Variants in SPACA3 observed in about 807,000 individuals in gnomAD.
SPACA3 encodes sperm acrosome membrane-associated protein 3.
SPACA3 carries 21 observed loss-of-function variants against 24.5 expected under a neutral mutation model. The observed-to-expected ratio is 0.86, with a 90% confidence interval of 0.61 to 1.24. The LOEUF is 1.24. SPACA3 is among the 50% of genes most tolerant of loss of function. The probability of loss-of-function intolerance (pLI) is 0.00; values close to 1 mark genes in which losing one functional copy is unlikely to be tolerated. For missense variants in SPACA3, 278 were observed against 275.5 expected (o/e 1.01, Z -0.06); for synonymous variants, 115 against 106.9 (o/e 1.08, Z -0.47).
chr17:32,995,423 CCT>C lies in SPACA3; in HGVS notation c.50_51del (p.Pro17ArgfsTer69). On this transcript the variant is annotated frameshift_variant, in exon 2 of 5. Coordinates refer to ENST00000269053, the MANE Select transcript of SPACA3 (RefSeq NM_173847.5). LOFTEE classifies it high-confidence loss of function. ...GAPLIRVHSSPVSSPSVSGPR... is the reference protein window; with the variant it reads ...GAPLIRVHSSXVSSPSVSGPR... The stretch of plus-strand genomic sequence containing the variant: ...CCCTTTCCCAGGGGTGCACTCAAGC[CCT>C]GTTTCTTCTCCTTCTGTGAGTGGAC... 1 of 1,602,446 alleles carries C rather than the reference CCT, an allele frequency of 6.2e-7. No homozygotes were observed. Among genetic ancestry groups the C allele is most frequent in the East Asian group, 2.2e-5 (1 of 44,738 alleles).
chr17:32,995,339 C>T, intron 1 of SPACA3, 70 bp from the exon 2 acceptor site: 1 of 1,438,746 alleles, frequency 7.0e-7, no homozygotes. Context: ...ATCAGGAATG[C>T]AAGGGGGCTG....
chr17:32,991,919 C>T lies in SPACA3; in HGVS notation c.-20C>T. 6.2e-7 allele frequency: 1 copy of T among 1,613,992 alleles called. No individual in the cohort carries two copies. The highest frequency in any genetic ancestry group is 1.7e-4 in the Middle Eastern group (1 of 6,054). ...GCTGAAGCAGGGTTTTGAGCCACTG[C>T]TGCTGCTGCCATTGTCACCATGGTC... On this transcript the variant is annotated 5_prime_UTR_variant, in exon 1 of 5. Coordinates refer to ENST00000269053, the MANE Select transcript of SPACA3 (RefSeq NM_173847.5).
intron 1 of SPACA3, among the ~76,000 whole-genome samples, chr17:32,993,184 C>G (rs564668753): frequency 3.3e-5 from 5 of 152,098 alleles, no homozygotes; most frequent in African/African-American, 1.2e-4. Flanking sequence ...AGGAAAGTCA[C>G]AAGGCAGAAG....
chr17:32,992,062 G>A (rs2091692986), intron 1 of SPACA3, 90 bp downstream of exon 1: 2 of 1,447,284 alleles, frequency 1.4e-6, no homozygotes, highest in African/African-American at 2.8e-5. Flanking sequence ...CAAGGTGGTG[G>A]TTAGGGTGGG....
rs1228488994 is a variant in SPACA3, at chr17:32,995,436, C to T, written c.62C>T (p.Pro21Leu). 5 of 1,609,060 alleles carry T rather than the reference C, an allele frequency of 3.1e-6. No homozygotes were observed. The East Asian group carries it at 1.1e-4, about 36-fold the overall frequency. Reference sequence around the variant, plus strand: ...GTGCACTCAAGCCCTGTTTCTTCTCCTTCTGTGAGTGGACCACGGAGGCTG... The same window carrying T: ...GTGCACTCAAGCCCTGTTTCTTCTCTTTCTGTGAGTGGACCACGGAGGCTG... ...IRVHSSPVSSPSVSGPRRLVS... is the reference protein window; with the variant it reads ...IRVHSSPVSSLSVSGPRRLVS... The change falls in exon 2 of 5, where the codon CCT becomes CTT. Residue 21 changes from proline (P) to leucine (L), a missense_variant. Physicochemically the swap from Pro to Leu is moderately conservative, Grantham distance 98. Coordinates refer to ENST00000269053, the MANE Select transcript of SPACA3 (RefSeq NM_173847.5).
At chr17:32,992,163 A>AT in intron 1 of SPACA3, among the ~76,000 whole-genome samples, 191 bp downstream of exon 1, 1 of 139,450 alleles carries the variant, frequency 7.2e-6, no homozygotes, top group East Asian at 2.1e-4. Flanking sequence ...TCAGGATGGA[A>AT]TTCCTTTTAA....
chr17:32,997,080 C>T (rs1257477660), intron 3 of SPACA3, 79 bp downstream of exon 3: 5 of 1,444,378 alleles, frequency 3.5e-6, no homozygotes, highest in African/African-American at 1.4e-5. Context: ...TAGTTTGCTA[C>T]CCCCATCTCT....
chr17:32,995,188 A>T (rs2091714028), intron 1 of SPACA3, among the ~76,000 whole-genome samples: 1 of 152,156 alleles, frequency 6.6e-6, no homozygotes, highest in African/African-American at 2.4e-5. Flanking sequence ...TAGTTATAAA[A>T]TCTTGGGCCT....
intron 3 of SPACA3, 130 bp downstream of exon 3, chr17:32,997,131 G>C (rs1473273221): frequency 1.8e-6 from 2 of 1,094,170 alleles, no homozygotes; most frequent in Non-Finnish European, 2.5e-6. Flanking sequence ...CCACGGAGGA[G>C]AGGGAGATGG....
In SPACA3 at chr17:32,995,606, C is replaced by T. The variant is rs1192716116; in HGVS notation, c.232C>T (p.Leu78Phe). The change falls in exon 2 of 5, where the codon CTC becomes TTC. Residue 78 changes from leucine to phenylalanine, a missense_variant. Physicochemically the swap from Leu to Phe is conservative, Grantham distance 22. Coordinates refer to ENST00000269053, the MANE Select transcript of SPACA3 (RefSeq NM_173847.5). ...GIMLLALVCL[L>F]SCLLPSSEAK... ...CATGTTGTTGGCCCTGGTCTGTCTGCTCAGCTGCCTGCTACCCTCCAGTGA... is the reference window on the plus strand; with the variant it reads ...CATGTTGTTGGCCCTGGTCTGTCTGTTCAGCTGCCTGCTACCCTCCAGTGA... The T allele has an allele frequency of 6.2e-7, 1 of 1,614,242 alleles. No individual in the cohort carries two copies. Among genetic ancestry groups the T allele is most frequent in the Non-Finnish European group, 8.5e-7 (1 of 1,180,042 alleles).
At chr17:32,997,178 T>C (rs1297371427) in intron 3 of SPACA3, among the ~76,000 whole-genome samples, 177 bp downstream of exon 3, 2 of 152,168 alleles carry the variant, frequency 1.3e-5, no homozygotes, top group African/African-American at 4.8e-5. Flanking sequence ...TCAGTCTGAA[T>C]TGGGGTCCCA....
chr17:32,995,410 G>T lies in SPACA3; in HGVS notation c.36G>T (p.Arg12Ser). ...VSALRGAPLI[R>S]VHSSPVSSPS... Reference sequence around the variant, plus strand: ...CTTCTCTCCTCTCCCCTTTCCCAGGGGTGCACTCAAGCCCTGTTTCTTCTC... The same window carrying T: ...CTTCTCTCCTCTCCCCTTTCCCAGGTGTGCACTCAAGCCCTGTTTCTTCTC... The change falls in exon 2 of 5, where the codon AGG (arginine) becomes AGT (serine). Residue 12 changes from arginine to serine, a missense_variant and splice_region_variant. By Grantham distance (110) the Arg-to-Ser change is moderately radical (BLOSUM62 -1). Coordinates refer to ENST00000269053, the MANE Select transcript of SPACA3 (RefSeq NM_173847.5). 4 of 1,590,342 alleles carry T rather than the reference G, an allele frequency of 2.5e-6. No individual in the cohort carries two copies. Among genetic ancestry groups the T allele is most frequent in the Non-Finnish European group, 3.4e-6 (4 of 1,167,066 alleles).
At chr17:32,992,591 C>T (rs781081916) in intron 1 of SPACA3, among the ~76,000 whole-genome samples, 14 of 152,158 alleles carry the variant, frequency 9.2e-5, no homozygotes, top group African/African-American at 1.4e-4. Context: ...ATTCCAGCCT[C>T]GTGTGACAGA....
Position 32,995,623 on chromosome 17 carries a change from C to T in SPACA3, c.249C>T (p.Pro83=). ...ALVCLLSCLL[P]SSEAKLYGRC... is the part of the protein sequence containing the mutation. The stretch of plus-strand genomic sequence containing the variant: ...TCTGTCTGCTCAGCTGCCTGCTACC[C>T]TCCAGTGAGGCCAAGCTCTACGGTC... Residue 83 remains proline (P), a synonymous_variant, in exon 2 of 5, where the codon CCC becomes CCT. Transcript: ENST00000269053. The T allele has an allele frequency of 6.2e-7, 1 of 1,614,234 alleles. No homozygotes were observed. Among genetic ancestry groups the T allele is most frequent in the Non-Finnish European group, 8.5e-7 (1 of 1,180,044 alleles).
chr17:32,993,962 C>A lies in SPACA3; in HGVS notation c.35-1447C>A, dbSNP rs11872083. On this transcript the variant is annotated intron_variant, in intron 1 of 4. Transcript: ENST00000269053. ...TGGAGGCCCCGTACCCAAACAATGA[C>A]GGGGTGGAGATGAGGGCGAGGAGGC... Among the ~76,000 whole-genome samples, 709 of 151,710 alleles carry A rather than the reference C, an allele frequency of 4.7e-3. 8 individuals are homozygous for A. The highest frequency in any genetic ancestry group is 0.016 in the African/African-American group (674 of 41,352).
chr17:32,992,015 G>C (rs3922357), intron 1 of SPACA3, 43 bp downstream of exon 1: 1,022,363 of 1,605,882 alleles, frequency 0.64, 327,243 homozygotes, highest in Middle Eastern at 0.73. Context: ...TAACAGGGGC[G>C]CTGGGTTGGT....
At chr17:32,996,428 G>A (rs1195964654) in intron 2 of SPACA3, among the ~76,000 whole-genome samples, 1 of 149,358 alleles carries the variant, frequency 6.7e-6, no homozygotes, top group Non-Finnish European at 1.5e-5. Context: ...GGCAGAGGTT[G>A]CAGTGAGCTG....
chr17:32,993,030 C>G lies in SPACA3; in HGVS notation c.34+1058C>G, dbSNP rs3809788. On this transcript the variant is annotated intron_variant, in intron 1 of 4. Coordinates refer to ENST00000269053, the MANE Select transcript of SPACA3 (RefSeq NM_173847.5). Reference sequence around the variant, plus strand: ...GGTGTGAACCTAGGAAAGGACGGTGCTCTCGGAGGGAAGGTGGAATCCACA... The same window carrying G: ...GGTGTGAACCTAGGAAAGGACGGTGGTCTCGGAGGGAAGGTGGAATCCACA... 3.1e-5 allele frequency: 14 copies of G among 452,636 alleles called. No individual in the cohort carries two copies. In the East Asian group the frequency reaches 5.7e-4, roughly 18 times the overall value. 28.0% of individuals were successfully genotyped at this position (452,636 alleles called of 1,614,324 possible).
intron 2 of SPACA3, 42 bp downstream of exon 2, chr17:32,995,759 C>T (rs1567711791): frequency 6.3e-7 from 1 of 1,576,670 alleles, no homozygotes; most frequent in Non-Finnish European, 8.6e-7. Flanking sequence ...TTCCCCACAC[C>T]TCCCTCCCTC....
Sources: allele counts gnomAD v4.1 joint callset (sites outside exome capture counted in the v4.1 genomes callset), GRCh38; gene constraint gnomAD v4.1.1; transcripts MANE v1.5; gene names NCBI Gene and HGNC (gene_info 2026-07-23, HGNC 2026-07-21).